Variants in COL25A1 observed in about 807,000 individuals in gnomAD.
COL25A1 encodes collagen alpha-1(XXV) chain.
Under a neutral mutation model 128.4 loss-of-function variants are expected in COL25A1, and 103 were observed. The observed-to-expected ratio is 0.80, with a 90% CI of 0.68 to 0.94. The LOEUF is 0.94. Ranked by LOEUF, COL25A1 falls within the 40% of genes least tolerant of loss-of-function variation. The pLI is 0.00. For missense variants in COL25A1, 745 were observed against 840.0 expected, an observed-to-expected ratio of 0.89 and a Z score of 1.40; for synonymous variants, 279 against 277.2, an observed-to-expected ratio of 1.01 and a Z score of -0.06.
At chr4:108,917,330 A>G (rs1744993056) in intron 13 of COL25A1, among the ~76,000 whole-genome samples, 1 of 152,226 alleles carries the variant, frequency 6.6e-6, no homozygotes. Context: ...TCCAGGGTGC[A>G]TGGATTTAAA....
intron 3 of COL25A1, among the ~76,000 whole-genome samples, chr4:109,226,023 ACACAC>A (rs1424518411): frequency 6.0e-5 from 9 of 150,628 alleles, no homozygotes; most frequent in African/African-American, 1.5e-4. Flanking sequence ...ACACACACAC[ACACAC>A]AACGGAATAC....
intron 11 of COL25A1, among the ~76,000 whole-genome samples, chr4:108,935,103 C>T (rs936003105): frequency 2.0e-5 from 3 of 152,014 alleles, no homozygotes; most frequent in African/African-American, 4.8e-5. Flanking sequence ...GTAGTTTTAA[C>T]GGGGTAGTCA....
intron 3 of COL25A1, among the ~76,000 whole-genome samples, chr4:109,069,551 T>C (rs1560632456): frequency 6.6e-6 from 1 of 152,180 alleles, no homozygotes. Flanking sequence ...TACTTCAATG[T>C]AGAACATCAG....
intron 13 of COL25A1, among the ~76,000 whole-genome samples, chr4:108,912,787 C>T (rs1186115068): frequency 6.6e-6 from 1 of 152,188 alleles, no homozygotes; most frequent in East Asian, 1.9e-4. Flanking sequence ...TTTATCTATT[C>T]TCTAAATATA....
In COL25A1 at chr4:108,966,926, A is replaced by AAGAAAGAAAGAAAAGAGAG. The variant is rs1560945833; in HGVS notation, c.492+7440_492+7441insCTCTCTTTTCTTTCTTTCT. On this transcript the variant is annotated intron_variant, in intron 8 of 37. Coordinates refer to ENST00000399132, the MANE Select transcript of COL25A1 (RefSeq NM_198721.4). ...GGAAGGGAAAAAGGAAAGAGAGAAA[A>AAGAAAGAAAGAAAAGAGAG]AGAGAGAAAGAAAGAGAGGAAAGAA... Among the ~76,000 whole-genome samples the AAGAAAGAAAGAAAAGAGAG allele has an allele frequency of 3.1e-4, 47 of 150,788 alleles. No individual in the cohort carries two copies. The South Asian group carries it at 9.9e-3, about 32-fold the overall frequency.
Position 109,052,427 on chromosome 4 carries a change from G to C in COL25A1, c.368-2248C>G, listed in dbSNP as rs2217005. 3.5e-3 allele frequency among the ~76,000 whole-genome samples: 535 copies of C among 152,230 alleles called. 3 individuals carry two copies. The highest frequency in any genetic ancestry group is 0.012 in the African/African-American group (504 of 41,550). On this transcript the variant is annotated intron_variant, in intron 3 of 37. Transcript: ENST00000399132. ...AGACAGACATCTATTGAATATGGTA[G>C]GGTTTTACAAAGCATGTCATAATAT...
At chr4:108,909,855 C>G (rs989699709) in intron 13 of COL25A1, among the ~76,000 whole-genome samples, 1 of 152,190 alleles carries the variant, frequency 6.6e-6, no homozygotes, top group Admixed American at 6.5e-5. Context: ...CTCTTTGTCT[C>G]TCCAGCCCTA....
At chr4:109,106,956 A>C (rs1766495369) in intron 3 of COL25A1, among the ~76,000 whole-genome samples, 2 of 151,986 alleles carry the variant, frequency 1.3e-5, no homozygotes, top group Non-Finnish European at 2.9e-5. Context: ...TCCTGTAGAG[A>C]TGGGGTCTCA....
chr4:108,863,685 G>A (rs895922152), intron 20 of COL25A1, among the ~76,000 whole-genome samples: 3 of 152,198 alleles, frequency 2.0e-5, no homozygotes, highest in South Asian at 4.1e-4. Context: ...AGGTGAGTCT[G>A]TTGACTGAGT....
chr4:108,947,149 G>A (rs766904200), intron 8 of COL25A1, among the ~76,000 whole-genome samples: 72 of 152,046 alleles, frequency 4.7e-4, no homozygotes, highest in Non-Finnish European at 2.1e-4. Context: ...ATATAAAATA[G>A]AAGGTGAGAA....
chr4:108,834,177 A>G (rs1733496147), intron 31 of COL25A1, among the ~76,000 whole-genome samples: 1 of 152,180 alleles, frequency 6.6e-6, no homozygotes, highest in Admixed American at 6.5e-5. Flanking sequence ...CAGAGTTGCA[A>G]CCGTCCTCTG....
Position 108,917,848 on chromosome 4 carries a change from T to C in COL25A1, c.780+324A>G, listed in dbSNP as rs116525383. The stretch of plus-strand genomic sequence containing the variant: ...CCAGAATAAACTAAAGTGCATTTTG[T>C]TTATCACTATCAATGTTAAACATAA... On this transcript the variant is annotated intron_variant, in intron 13 of 37. Coordinates refer to ENST00000399132, the MANE Select transcript of COL25A1 (RefSeq NM_198721.4). 2.1e-3 allele frequency among the ~76,000 whole-genome samples: 322 copies of C among 152,332 alleles called. 2 individuals are homozygous for C. Among genetic ancestry groups the C allele is most frequent in the African/African-American group, 7.4e-3 (308 of 41,572 alleles).
chr4:108,938,130 G>C (rs1747658406), intron 10 of COL25A1, among the ~76,000 whole-genome samples: 1 of 152,174 alleles, frequency 6.6e-6, no homozygotes, highest in South Asian at 2.1e-4. Flanking sequence ...ACATAGGACA[G>C]AGAGACAATT....
At chr4:109,218,356 G>GTTT (rs796441649) in intron 3 of COL25A1, among the ~76,000 whole-genome samples, 3 of 100,474 alleles carry the variant, frequency 3.0e-5, no homozygotes, top group African/African-American at 8.2e-5. Flanking sequence ...GGTTTTTTGG[G>GTTT]GTTTTTTTTT....
intron 3 of COL25A1, among the ~76,000 whole-genome samples, chr4:109,111,358 T>A (rs925537464): frequency 6.6e-6 from 1 of 152,196 alleles, no homozygotes; most frequent in African/African-American, 2.4e-5. Flanking sequence ...TGCTAATATA[T>A]CCTCCTGGCT....
At chr4:109,092,813 GC>G (rs1182093433) in intron 3 of COL25A1, among the ~76,000 whole-genome samples, 1 of 152,174 alleles carries the variant, frequency 6.6e-6, no homozygotes, top group Admixed American at 6.5e-5. Flanking sequence ...GTGAAAAAGA[GC>G]ATGCAACTTG....
chr4:108,825,706 CTTTAA>C (rs1732292957), intron 33 of COL25A1, among the ~76,000 whole-genome samples: 1 of 152,154 alleles, frequency 6.6e-6, no homozygotes, highest in Admixed American at 6.6e-5. Context: ...ATCAATGCTA[CTTTAA>C]TTTGATAACT....
At chr4:108,983,687 C>G (rs989652176) in intron 6 of COL25A1, among the ~76,000 whole-genome samples, 4 of 152,030 alleles carry the variant, frequency 2.6e-5, no homozygotes, top group South Asian at 2.1e-4. Context: ...TTCATGGTCT[C>G]GCTGGCTCAG....
At chr4:108,989,893 A>G (rs1049359574) in intron 6 of COL25A1, among the ~76,000 whole-genome samples, 1 of 152,122 alleles carries the variant, frequency 6.6e-6, no homozygotes, top group African/African-American at 2.4e-5. Flanking sequence ...AAATTAGCCT[A>G]TCAAGAATTT....
Sources: gnomAD v4.1 joint callset for allele counts (sites outside exome capture counted in the v4.1 genomes callset) on GRCh38, gnomAD v4.1.1 for gene constraint, MANE v1.5 for transcripts, NCBI Gene and HGNC (gene_info 2026-07-23, HGNC 2026-07-21) for gene names.